Variants in HS6ST3 observed in about 807,000 individuals in gnomAD.
HS6ST3 encodes heparan-sulfate 6-O-sulfotransferase 3.
A neutral mutation model predicts 36.7 loss-of-function variants in HS6ST3; 12 were observed. The observed-to-expected ratio is 0.33, with a 90% CI of 0.21 to 0.53. The LOEUF is 0.53. Ranked by LOEUF, HS6ST3 falls within the 20% of genes least tolerant of loss-of-function variation. The pLI is 0.95. For missense variants in HS6ST3, 584 were observed against 640.9 expected (o/e 0.91, Z 0.96); for synonymous variants, 240 against 257.5 (o/e 0.93, Z 0.65).
intron 1 of HS6ST3, among the ~76,000 whole-genome samples, chr13:96,153,814 A>T (rs1043164485): frequency 6.6e-6 from 1 of 152,226 alleles, no homozygotes; most frequent in Admixed American, 6.5e-5. Flanking sequence ...TTCCAACCAG[A>T]ATATTTATGC....
At chr13:96,561,053 T>C (rs971544395) in intron 1 of HS6ST3, among the ~76,000 whole-genome samples, 1 of 152,102 alleles carries the variant, frequency 6.6e-6, no homozygotes, top group East Asian at 1.9e-4. Context: ...CTAAAATTCA[T>C]GTGGAACCAA....
rs938597730 is a variant in HS6ST3 at position 96,791,194 on chromosome 13, G to C, written c.708-41296G>C. Among the ~76,000 whole-genome samples the C allele has an allele frequency of 2.0e-5, 3 of 152,090 alleles. No individual in the cohort carries two copies. The East Asian group carries it at 5.8e-4, about 29-fold the overall frequency. On this transcript the variant is annotated intron_variant, in intron 1 of 1. Coordinates refer to ENST00000376705, the MANE Select transcript of HS6ST3 (RefSeq NM_153456.4). Reference sequence around the variant, plus strand: ...CAGCGAATAATTTTTCCAAACTATTGAATCTTGACGAACCTCTATTACATT... The same window carrying C: ...CAGCGAATAATTTTTCCAAACTATTCAATCTTGACGAACCTCTATTACATT...
chr13:96,265,693 C>CAT (rs2054688851), intron 1 of HS6ST3, among the ~76,000 whole-genome samples: 1 of 152,130 alleles, frequency 6.6e-6, no homozygotes, highest in African/African-American at 2.4e-5. Context: ...TGGACAGGAC[C>CAT]ATGGTGACCT....
chr13:96,603,432 A>G (rs1180988437), intron 1 of HS6ST3, among the ~76,000 whole-genome samples: 1 of 152,178 alleles, frequency 6.6e-6, no homozygotes, highest in Non-Finnish European at 1.5e-5. Flanking sequence ...TGCCTATATT[A>G]TACCATTGTA....
intron 1 of HS6ST3, among the ~76,000 whole-genome samples, chr13:96,302,504 ATAAT>A (rs1350152871): frequency 1.3e-4 from 20 of 152,132 alleles, no homozygotes; most frequent in African/African-American, 3.9e-4. Flanking sequence ...TGTTGAATAA[ATAAT>A]TCACAAAATT....
chr13:96,717,699 A>C (rs1416816070), intron 1 of HS6ST3, among the ~76,000 whole-genome samples: 1 of 152,222 alleles, frequency 6.6e-6, no homozygotes, highest in Non-Finnish European at 1.5e-5. Context: ...ACAATGAAGA[A>C]ATCAAATCTC....
intron 1 of HS6ST3, among the ~76,000 whole-genome samples, chr13:96,183,979 G>A (rs938453067): frequency 1.3e-5 from 2 of 152,012 alleles, no homozygotes; most frequent in Admixed American, 1.3e-4. Context: ...GAGGTGGGCG[G>A]ATCATGAGGT....
chr13:96,371,266 A>T (rs575611705), intron 1 of HS6ST3, among the ~76,000 whole-genome samples: 1 of 152,192 alleles, frequency 6.6e-6, no homozygotes, highest in East Asian at 1.9e-4. Context: ...TGGTGGTCTT[A>T]ATTTGCATTT....
chr13:96,433,352 G>A (rs1389888604), intron 1 of HS6ST3, among the ~76,000 whole-genome samples: 1 of 152,114 alleles, frequency 6.6e-6, no homozygotes, highest in Non-Finnish European at 1.5e-5. Flanking sequence ...GTTTGGCTGT[G>A]TCCCCACCCA....
chr13:96,308,035 A>T (rs1451678657), intron 1 of HS6ST3, among the ~76,000 whole-genome samples: 1 of 152,170 alleles, frequency 6.6e-6, no homozygotes, highest in Non-Finnish European at 1.5e-5. Flanking sequence ...AAGTAATAAC[A>T]TTTAACTACC....
At chr13:96,583,022 C>T (rs2056347286) in intron 1 of HS6ST3, among the ~76,000 whole-genome samples, 2 of 151,898 alleles carry the variant, frequency 1.3e-5, no homozygotes, top group African/African-American at 4.8e-5. Context: ...TGCATGAACG[C>T]TTCCAGGTCA....
chr13:96,700,914 C>T (rs1228889205), intron 1 of HS6ST3, among the ~76,000 whole-genome samples: 1 of 152,264 alleles, frequency 6.6e-6, no homozygotes, highest in East Asian at 1.9e-4. Flanking sequence ...AAACTCCTTA[C>T]TCATGTCAGG....
Position 96,446,864 on chromosome 13 carries a change from G to T in HS6ST3, c.707+355295G>T, listed in dbSNP as rs138737066. The stretch of plus-strand genomic sequence containing the variant: ...GCCCTCGAAATGTGGCCCTTCTCCT[G>T]AGTTCCTTAGGTCATATAGTGAGAC... On this transcript the variant is annotated intron_variant, in intron 1 of 1. Transcript: ENST00000376705. Among the ~76,000 whole-genome samples, 123 of 152,244 alleles carry T rather than the reference G, an allele frequency of 8.1e-4. No homozygotes were observed. The East Asian group carries it at 0.022, about 28-fold the overall frequency.
chr13:96,485,986 G>C (rs1447796795), intron 1 of HS6ST3, among the ~76,000 whole-genome samples: 1 of 151,300 alleles, frequency 6.6e-6, no homozygotes, highest in African/African-American at 2.4e-5. Context: ...TTAACATTAG[G>C]TATATCTCCT....
chr13:96,249,816 A>G (rs1297641057), intron 1 of HS6ST3, among the ~76,000 whole-genome samples: 1 of 152,194 alleles, frequency 6.6e-6, no homozygotes, highest in Non-Finnish European at 1.5e-5. Context: ...CTTTGAGGAC[A>G]TTATGCTATG....
intron 1 of HS6ST3, among the ~76,000 whole-genome samples, chr13:96,724,109 C>T (rs1458032560): frequency 6.6e-6 from 1 of 152,126 alleles, no homozygotes; most frequent in African/African-American, 2.4e-5. Context: ...ATGTATCTTT[C>T]ACAACACTCT....
chr13:96,103,382 A>G lies in HS6ST3; in HGVS notation c.707+11813A>G, dbSNP rs1289320654. Among the ~76,000 whole-genome samples the G allele has an allele frequency of 2.0e-5, 3 of 152,180 alleles. No homozygotes were observed. The East Asian group carries it at 5.8e-4, about 29-fold the overall frequency. ...TTATTTATTATATCATTTCCTGCCA[A>G]CATATCAGTTTCCTGAGGTTGGTGA... On this transcript the variant is annotated intron_variant, in intron 1 of 1. Transcript: ENST00000376705.
chr13:96,568,137 C>A lies in HS6ST3; in HGVS notation c.708-264353C>A, dbSNP rs529178006. ...ACCAGGTCTCCAACACAAACTGCTA[C>A]CCATAAGCTCAGTAGAGATGTACAT... On this transcript the variant is annotated intron_variant, in intron 1 of 1. Transcript: ENST00000376705. 2.0e-5 allele frequency among the ~76,000 whole-genome samples: 3 copies of A among 152,278 alleles called. No homozygotes were observed. The South Asian group carries it at 6.2e-4, about 32-fold the overall frequency.
intron 1 of HS6ST3, among the ~76,000 whole-genome samples, chr13:96,446,244 C>T (rs2055698314): frequency 6.6e-6 from 1 of 151,616 alleles, no homozygotes; most frequent in Non-Finnish European, 1.5e-5. Flanking sequence ...GGATATTAGT[C>T]TCAGTCTCTA....
Sources: allele counts gnomAD v4.1 joint callset (sites outside exome capture counted in the v4.1 genomes callset), GRCh38; gene constraint gnomAD v4.1.1; transcripts MANE v1.5; gene names NCBI Gene and HGNC (gene_info 2026-07-23, HGNC 2026-07-21).